The following ADAMTS12 variants were observed in gnomAD, a reference collection of about 807,000 sequenced individuals.
The protein encoded by ADAMTS12 is ADAM metallopeptidase with thrombospondin type 1 motif 12, also known as A disintegrin and metalloproteinase with thrombospondin motifs 12.
In ADAMTS12, 118 loss-of-function variants were observed where a neutral mutation model predicts 167.8. That is an observed-to-expected ratio of 0.70 (90% CI 0.61 to 0.82). The LOEUF is 0.82. Among genes scored for constraint, ADAMTS12 ranks in the 40% least tolerant of loss-of-function variants. The pLI, the probability that ADAMTS12 is intolerant of heterozygous loss-of-function variation, is 0.00. For missense variants in ADAMTS12, 1,916 were observed against 1,998.8 expected (o/e 0.96, Z 0.79); for synonymous variants, 704 against 716.9 (o/e 0.98, Z 0.29).
intron 5 of ADAMTS12, among the ~76,000 whole-genome samples, chr5:33,676,683 T>TACACACACACACACACACAC (rs141431526): frequency 2.9e-5 from 4 of 136,466 alleles, no homozygotes; most frequent in African/African-American, 1.1e-4. Context: ...CTGTCTATCT[T>TACACACACACACACACACAC]ACACACACAC....
At position 33,614,672 on chromosome 5, in the gene ADAMTS12, T is replaced by C. The variant is rs185018308; in HGVS notation, c.2389-296A>G. 5.6e-3 allele frequency among the ~76,000 whole-genome samples: 855 copies of C among 152,272 alleles called. 8 individuals carry two copies. Among genetic ancestry groups the C allele is most frequent in the African/African-American group, 0.02 (814 of 41,560 alleles). Reference sequence around the variant, plus strand: ...TCACATAAATGAGGAGATCAAATCATATGGGGAGTACTCTGTGGAAATGGC... The same window carrying C: ...TCACATAAATGAGGAGATCAAATCACATGGGGAGTACTCTGTGGAAATGGC... On this transcript the variant is annotated intron_variant, in intron 15 of 23. Coordinates refer to ENST00000504830, the MANE Select transcript of ADAMTS12 (RefSeq NM_030955.4).
chr5:33,560,002 C>G (rs114208997), intron 20 of ADAMTS12, among the ~76,000 whole-genome samples: 2 of 152,140 alleles, frequency 1.3e-5, no homozygotes, highest in Non-Finnish European at 2.9e-5. Flanking sequence ...GCCATATATT[C>G]GCTTTGTAAA....
At chr5:33,694,149 C>T (rs1742660054) in intron 3 of ADAMTS12, among the ~76,000 whole-genome samples, 2 of 152,106 alleles carry the variant, frequency 1.3e-5, no homozygotes, top group African/African-American at 4.8e-5. Context: ...TCAAAGAAAT[C>T]AAAGATGACA....
chr5:33,592,413 G>A (rs1747690247), intron 17 of ADAMTS12, among the ~76,000 whole-genome samples: 1 of 152,184 alleles, frequency 6.6e-6, no homozygotes. Flanking sequence ...CACTGTCAGA[G>A]GTTTATTGAG....
At position 33,694,059 on chromosome 5, in the gene ADAMTS12, C is replaced by G. The variant is rs111360714; in HGVS notation, c.635-10004G>C. Reference sequence around the variant, plus strand: ...AGAAAGCAATTCCATTCACAATAGCCACAAAAAGGACAAAATACCTAGGAA... The same window carrying G: ...AGAAAGCAATTCCATTCACAATAGCGACAAAAAGGACAAAATACCTAGGAA... On this transcript the variant is annotated intron_variant, in intron 3 of 23. Transcript: ENST00000504830. Among the ~76,000 whole-genome samples, 737 of 152,114 alleles carry G rather than the reference C, an allele frequency of 4.8e-3. 5 individuals carry two copies. The highest frequency in any genetic ancestry group is 0.016 in the African/African-American group (656 of 41,482).
chr5:33,867,652 C>CAT (rs1329993146), intron 2 of ADAMTS12, among the ~76,000 whole-genome samples: 1 of 152,080 alleles, frequency 6.6e-6, no homozygotes, highest in East Asian at 1.9e-4. Flanking sequence ...CACACACACA[C>CAT]ATATATAAAA....
intron 2 of ADAMTS12, among the ~76,000 whole-genome samples, chr5:33,776,474 TC>T (rs879582667): frequency 7.2e-5 from 11 of 152,082 alleles, no homozygotes; most frequent in Admixed American, 3.3e-4. Flanking sequence ...AATTCCTGAA[TC>T]CATGGATCAA....
At chr5:33,806,179 G>A (rs1206984541) in intron 2 of ADAMTS12, among the ~76,000 whole-genome samples, 3 of 152,154 alleles carry the variant, frequency 2.0e-5, no homozygotes, top group African/African-American at 7.2e-5. Context: ...TACCTTGAAG[G>A]AATGTTGTAA....
chr5:33,600,014 C>G (rs1009678866), intron 16 of ADAMTS12, among the ~76,000 whole-genome samples: 5 of 152,150 alleles, frequency 3.3e-5, no homozygotes, highest in Admixed American at 6.5e-5. Context: ...CCTTTCTCTT[C>G]TATACTAAAT....
At chr5:33,622,345 C>G (rs1739378077) in intron 14 of ADAMTS12, among the ~76,000 whole-genome samples, 1 of 152,032 alleles carries the variant, frequency 6.6e-6, no homozygotes, top group South Asian at 2.1e-4. Context: ...AAGATAGGAA[C>G]TCATAAAGAA....
rs915834770 is a variant in ADAMTS12 at position 33,523,842 on chromosome 5, C to T, written c.*3346G>A. ...AAATATGTTAGCTAGGTTGTAACAC[C>T]AGGCAGTTCATGTCATGTGGCCTCT... On this transcript the variant is annotated 3_prime_UTR_variant, in exon 24 of 24. Transcript: ENST00000504830. 1.3e-5 allele frequency: 2 copies of T among 152,094 alleles called. No homozygotes were observed. The highest frequency in any genetic ancestry group is 1.3e-4 in the Admixed American group (2 of 15,266). The allele number at this position is 152,094 out of a possible 1,614,324, so 9.4% of individuals were successfully genotyped here.
At chr5:33,565,674 G>GTT (rs4049324) in intron 19 of ADAMTS12, among the ~76,000 whole-genome samples, 3 of 126,298 alleles carry the variant, frequency 2.4e-5, no homozygotes, top group Non-Finnish European at 3.3e-5. Flanking sequence ...TTTTTTGTTT[G>GTT]TTTTTTTTTT....
At chr5:33,799,979 T>A (rs1255190911) in intron 2 of ADAMTS12, among the ~76,000 whole-genome samples, 1 of 152,134 alleles carries the variant, frequency 6.6e-6, no homozygotes, top group African/African-American at 2.4e-5. Context: ...TGACCAACAT[T>A]CTTGGAAATG....
intron 12 of ADAMTS12, among the ~76,000 whole-genome samples, chr5:33,631,398 C>A (rs749530686): frequency 2.0e-5 from 3 of 152,154 alleles, no homozygotes; most frequent in Non-Finnish European, 4.4e-5. Context: ...ACCTCCATCA[C>A]CACCAGCATA....
chr5:33,773,448 C>A (rs187408486), intron 2 of ADAMTS12, among the ~76,000 whole-genome samples: 86 of 152,300 alleles, frequency 5.6e-4, no homozygotes, highest in African/African-American at 2.0e-3. Flanking sequence ...AGTCTGTGGC[C>A]TGACATGTGC....
chr5:33,600,360 A>G (rs13189065), intron 16 of ADAMTS12, among the ~76,000 whole-genome samples: 72,830 of 151,830 alleles, frequency 0.48, 18,131 homozygotes, highest in South Asian at 0.62. Context: ...ATGCCTCGAT[A>G]TAAGGAACAA....
At chr5:33,663,778 C>T (rs568696109) in intron 5 of ADAMTS12, among the ~76,000 whole-genome samples, 1 of 152,298 alleles carries the variant, frequency 6.6e-6, no homozygotes, top group African/African-American at 2.4e-5. Flanking sequence ...AAAGCATCAA[C>T]TATGATCAGA....
intron 3 of ADAMTS12, among the ~76,000 whole-genome samples, chr5:33,694,486 G>A (rs1210462574): frequency 6.6e-6 from 1 of 152,132 alleles, no homozygotes; most frequent in East Asian, 1.9e-4. Context: ...TTACCCTTTT[G>A]GTAATAAGCC....
intron 16 of ADAMTS12, among the ~76,000 whole-genome samples, chr5:33,596,381 G>A (rs899315643): frequency 1.3e-5 from 2 of 152,110 alleles, no homozygotes; most frequent in African/African-American, 4.8e-5. Flanking sequence ...AACCAAATGA[G>A]ATTTAAATAA....
Sources: gnomAD v4.1 joint callset for allele counts (sites outside exome capture counted in the v4.1 genomes callset) on GRCh38, gnomAD v4.1.1 for gene constraint, MANE v1.5 for transcripts, NCBI Gene and HGNC (gene_info 2026-07-23, HGNC 2026-07-21) for gene names.